The following ACER3 variants were observed in gnomAD, a reference collection of about 807,000 sequenced individuals.
The protein encoded by ACER3 is alkaline ceramidase 3, also known as alkCDase 3.
In ACER3, 16 loss-of-function variants were observed where a neutral mutation model predicts 48.9. The observed-to-expected ratio is 0.33, with a 90% CI of 0.22 to 0.50. ACER3 has a LOEUF of 0.50. Ranked by LOEUF, ACER3 falls within the 20% of genes least tolerant of loss-of-function variation. The probability of loss-of-function intolerance (pLI) is 0.98; values close to 1 mark genes in which losing one functional copy is unlikely to be tolerated. For synonymous variants in ACER3, 109 were observed against 107.8 expected (o/e 1.01, Z -0.07); for missense variants, 227 against 326.0 (o/e 0.70, Z 2.34).
intron 1 of ACER3, among the ~76,000 whole-genome samples, chr11:76,909,514 A>T (rs1409016603): frequency 1.3e-5 from 2 of 152,224 alleles, no homozygotes; most frequent in Non-Finnish European, 2.9e-5. Context: ...CAAACATATG[A>T]AAAAAAGCTA....
intron 3 of ACER3, among the ~76,000 whole-genome samples, chr11:76,972,211 A>C (rs1290088227): frequency 6.6e-6 from 1 of 152,196 alleles, no homozygotes; most frequent in Non-Finnish European, 1.5e-5. Context: ...TGCACCATTT[A>C]GATTCCCACC....
At chr11:76,959,198 C>T in intron 3 of ACER3, 167 bp downstream of exon 3, 1 of 1,503,684 alleles carries the variant, frequency 6.7e-7, no homozygotes, top group Non-Finnish European at 8.8e-7. Flanking sequence ...AAGAAATAAG[C>T]AGGTGAGTCC....
intron 1 of ACER3, among the ~76,000 whole-genome samples, chr11:76,881,341 G>C (rs1464682830): frequency 6.7e-6 from 1 of 149,990 alleles, no homozygotes; most frequent in Non-Finnish European, 1.5e-5. Context: ...TTTATCTTTG[G>C]TTTATATGGT....
chr11:76,977,739 GA>G (rs1157659235), intron 4 of ACER3, among the ~76,000 whole-genome samples: 2 of 152,182 alleles, frequency 1.3e-5, no homozygotes, highest in Non-Finnish European at 2.9e-5. Context: ...GTCCCCTACT[GA>G]GTTGGTGGGG....
intron 2 of ACER3, among the ~76,000 whole-genome samples, chr11:76,927,708 T>C (rs1946869336): frequency 6.7e-6 from 1 of 148,398 alleles, no homozygotes; most frequent in Admixed American, 6.8e-5. Flanking sequence ...GAACATGCGG[T>C]GTTTGGTTTT....
At chr11:76,877,657 G>A (rs1329446892) in intron 1 of ACER3, among the ~76,000 whole-genome samples, 2 of 151,970 alleles carry the variant, frequency 1.3e-5, no homozygotes, top group Admixed American at 1.3e-4. Flanking sequence ...CAACCTAAAG[G>A]TTGACAAATG....
rs1944923908 is a variant in ACER3, at chr11:76,861,035, G to A, written c.59G>A (p.Trp20Ter). 1 of 1,548,536 alleles carries A rather than the reference G, an allele frequency of 6.5e-7. No individual in the cohort carries two copies. The highest frequency in any genetic ancestry group is 8.7e-7 in the Non-Finnish European group (1 of 1,146,562). Reference protein sequence around the residue: ...YWGPTTSTLDWCEENYSVTWY... With the variant: ...YWGPTTSTLD ...GGCCCCACGACCTCCACGCTGGACT[G>A]GTGCGAGGAGAACTACTCCGTGACC... is the stretch of plus-strand genomic sequence containing the variant. Residue 20 changes from tryptophan (W) to a stop codon, truncating the protein, a stop_gained, in exon 1 of 11, where the codon TGG becomes TAG. Coordinates refer to ENST00000532485, the MANE Select transcript of ACER3 (RefSeq NM_018367.7). LOFTEE classifies it high-confidence loss of function.
chr11:76,957,589 G>A, intron 2 of ACER3: 1 of 341,882 alleles, frequency 2.9e-6, no homozygotes, highest in Non-Finnish European at 5.8e-6. Flanking sequence ...GACTACAGGT[G>A]TGTATCACCA....
At chr11:76,931,879 C>T (rs1565184160) in intron 2 of ACER3, among the ~76,000 whole-genome samples, 4 of 151,860 alleles carry the variant, frequency 2.6e-5, no homozygotes, top group Admixed American at 6.6e-5. Flanking sequence ...CCCATCCTTT[C>T]TCTCTGACTG....
chr11:76,932,474 G>T (rs553463727), intron 2 of ACER3, among the ~76,000 whole-genome samples: 3 of 152,304 alleles, frequency 2.0e-5, no homozygotes, highest in Non-Finnish European at 4.4e-5. Context: ...TCAAAAGGAA[G>T]ACTTGTCTAC....
In ACER3 at chr11:76,976,272, A is replaced by G; in HGVS notation, c.268-17A>G. The G allele has an allele frequency of 1.3e-6, 2 of 1,589,362 alleles. No individual in the cohort carries two copies. The highest frequency in any genetic ancestry group is 1.7e-6 in the Non-Finnish European group (2 of 1,161,118). ...TCCATGATATTCAAGCCTGTTATCT[A>G]TCTTTGTTTCTTACAGCTATTGGAT... On this transcript the variant is annotated splice_polypyrimidine_tract_variant and intron_variant, in intron 3 of 10. Coordinates refer to ENST00000532485, the MANE Select transcript of ACER3 (RefSeq NM_018367.7).
intron 1 of ACER3, among the ~76,000 whole-genome samples, chr11:76,915,713 T>G (rs575516554): frequency 6.6e-6 from 1 of 152,336 alleles, no homozygotes; most frequent in South Asian, 2.1e-4. Flanking sequence ...GACTCACAGT[T>G]CCACATGGCT....
intron 8 of ACER3, among the ~76,000 whole-genome samples, chr11:77,015,441 G>A (rs1949348294): frequency 6.6e-6 from 1 of 152,130 alleles, no homozygotes; most frequent in African/African-American, 2.4e-5. Flanking sequence ...AGACTGATTT[G>A]TAATAAGCAT....
At chr11:76,881,192 C>CT (rs2134574713) in intron 1 of ACER3, among the ~76,000 whole-genome samples, 1 of 150,844 alleles carries the variant, frequency 6.6e-6, no homozygotes, top group South Asian at 2.1e-4. Flanking sequence ...GAGGTCAATG[C>CT]TGCAGTGAGG....
chr11:76,985,415 C>G (rs1188658238), intron 4 of ACER3, among the ~76,000 whole-genome samples: 1 of 152,186 alleles, frequency 6.6e-6, no homozygotes, highest in Non-Finnish European at 1.5e-5. Context: ...TCCCAAACTC[C>G]AGACTCTCAG....
chr11:76,978,763 T>C, intron 4 of ACER3: 1 of 154,434 alleles, frequency 6.5e-6, no homozygotes, highest in Non-Finnish European at 1.4e-5. Flanking sequence ...TGTGACACCC[T>C]TTTGGGGGCT....
intron 3 of ACER3, among the ~76,000 whole-genome samples, chr11:76,960,028 T>A (rs1947946670): frequency 6.6e-6 from 1 of 152,092 alleles, no homozygotes; most frequent in South Asian, 2.1e-4. Context: ...AGAACAGTAG[T>A]ACAAGTAAAA....
At chr11:76,898,366 G>A (rs183297261) in intron 1 of ACER3, among the ~76,000 whole-genome samples, 26 of 152,210 alleles carry the variant, frequency 1.7e-4, no homozygotes, top group Non-Finnish European at 2.6e-4. Context: ...ACTTTATAGA[G>A]GAAGGTTTTG....
chr11:76,928,744 C>G (rs1469941318), intron 2 of ACER3, among the ~76,000 whole-genome samples: 1 of 152,156 alleles, frequency 6.6e-6, no homozygotes, highest in African/African-American at 2.4e-5. Flanking sequence ...TTGTTTTTGT[C>G]AGATTTGTCA....
Sources: allele counts gnomAD v4.1 joint callset (sites outside exome capture counted in the v4.1 genomes callset), GRCh38; gene constraint gnomAD v4.1.1; transcripts MANE v1.5; gene names NCBI Gene and HGNC (gene_info 2026-07-23, HGNC 2026-07-21).